The following L3MBTL4 variants were observed in gnomAD, a reference collection of about 807,000 sequenced individuals.
L3MBTL4 encodes the protein lethal(3)malignant brain tumor-like protein 4.
In L3MBTL4, 70 loss-of-function variants were observed where a neutral mutation model predicts 84.5. That is an observed-to-expected ratio of 0.83 (90% CI 0.68 to 1.01). The LOEUF (loss-of-function observed/expected upper bound fraction) is 1.01, where lower values mean the gene tolerates loss of function less well. Ranked by LOEUF, L3MBTL4 falls within the 50% of genes least tolerant of loss-of-function variation. L3MBTL4 has a pLI of 0.00. For synonymous variants in L3MBTL4, 274 were observed against 259.8 expected, an observed-to-expected ratio of 1.05 and a Z score of -0.52; for missense variants, 715 against 754.8, an observed-to-expected ratio of 0.95 and a Z score of 0.62.
intron 1 of L3MBTL4, among the ~76,000 whole-genome samples, chr18:6,357,716 T>A (rs1050693736): frequency 6.6e-6 from 1 of 152,180 alleles, no homozygotes; most frequent in Non-Finnish European, 1.5e-5. Context: ...TCAAACCATA[T>A]GCATATACGA....
At chr18:6,294,994 C>T (rs1019091570) in intron 4 of L3MBTL4, among the ~76,000 whole-genome samples, 1 of 152,082 alleles carries the variant, frequency 6.6e-6, no homozygotes, top group African/African-American at 2.4e-5. Context: ...CTTTAAGAGG[C>T]CAGGCACGGT....
At chr18:6,399,846 A>G (rs1419659121) in intron 1 of L3MBTL4, 6 of 152,210 alleles carry the variant, frequency 3.9e-5, no homozygotes, top group African/African-American at 1.4e-4. Context: ...TGAGTTTTTG[A>G]TTACCTGAAA....
intron 15 of L3MBTL4, among the ~76,000 whole-genome samples, chr18:6,086,517 A>T (rs984898743): frequency 6.6e-6 from 1 of 152,206 alleles, no homozygotes. Context: ...GACTCCAGTG[A>T]GGTGCCTAAA....
At chr18:6,376,341 A>G (rs532433644) in intron 1 of L3MBTL4, among the ~76,000 whole-genome samples, 7 of 152,352 alleles carry the variant, frequency 4.6e-5, no homozygotes, top group African/African-American at 1.7e-4. Flanking sequence ...TCGCTGTCAC[A>G]TCAGTCTGTT....
chr18:6,252,747 A>G (rs765253281), intron 5 of L3MBTL4, among the ~76,000 whole-genome samples: 1 of 152,226 alleles, frequency 6.6e-6, no homozygotes, highest in Non-Finnish European at 1.5e-5. Context: ...CCAGCAAAAG[A>G]TGCAAAAAAT....
intron 5 of L3MBTL4, among the ~76,000 whole-genome samples, chr18:6,249,641 T>A (rs1312404654): frequency 6.6e-6 from 1 of 152,224 alleles, no homozygotes; most frequent in African/African-American, 2.4e-5. Context: ...CTGCCTTTCA[T>A]CAGTCTCTCT....
chr18:6,334,374 C>T (rs2052214861), intron 1 of L3MBTL4, among the ~76,000 whole-genome samples: 2 of 152,160 alleles, frequency 1.3e-5, no homozygotes, highest in African/African-American at 4.8e-5. Context: ...AAGGGTGATA[C>T]TCTACAGGAA....
intron 16 of L3MBTL4, among the ~76,000 whole-genome samples, chr18:5,984,822 C>T (rs1337336387): frequency 6.6e-6 from 1 of 151,938 alleles, no homozygotes; most frequent in Non-Finnish European, 1.5e-5. Context: ...TAATGATCTA[C>T]GTGTCTTTAG....
chr18:6,381,134 T>C (rs983966818), intron 1 of L3MBTL4, among the ~76,000 whole-genome samples: 1 of 152,232 alleles, frequency 6.6e-6, no homozygotes, highest in African/African-American at 2.4e-5. Flanking sequence ...AGATTAGGAT[T>C]GCAACTCCTG....
rs76601507 is a variant in L3MBTL4, at chr18:6,170,345, G to T, written c.1096+1483C>A. ...CAAAATAATGCAATAGCATTGAGAA[G>T]ATGCACTGGGGGTCAAAGCATTGGG... On this transcript the variant is annotated intron_variant, in intron 13 of 18. Transcript: ENST00000317931. Among the ~76,000 whole-genome samples the T allele has an allele frequency of 3.3e-3, 509 of 152,290 alleles. 1 individual carries two copies. Among genetic ancestry groups the T allele is most frequent in the Non-Finnish European group, 5.4e-3 (364 of 68,028 alleles).
intron 13 of L3MBTL4, among the ~76,000 whole-genome samples, chr18:6,159,625 G>A (rs1398369688): frequency 9.9e-5 from 15 of 152,194 alleles, no homozygotes; most frequent in Admixed American, 7.9e-4. Context: ...AATCTGACGC[G>A]ATGGTCCCTG....
intron 16 of L3MBTL4, among the ~76,000 whole-genome samples, chr18:6,066,355 C>T (rs2057398994): frequency 6.6e-6 from 1 of 152,074 alleles, no homozygotes; most frequent in South Asian, 2.1e-4. Context: ...GTTCTGTAAA[C>T]ACCTGTTAAG....
intron 16 of L3MBTL4, among the ~76,000 whole-genome samples, chr18:6,050,850 A>T (rs2056814699): frequency 6.6e-6 from 1 of 152,178 alleles, no homozygotes; most frequent in Non-Finnish European, 1.5e-5. Context: ...TTGTTGTAGA[A>T]TGTGTATTGA....
intron 1 of L3MBTL4, among the ~76,000 whole-genome samples, chr18:6,391,515 T>A (rs2055049368): frequency 6.6e-6 from 1 of 151,924 alleles, no homozygotes; most frequent in African/African-American, 2.4e-5. Context: ...ATAAAGGGGA[T>A]CCAGATTGGA....
At chr18:6,094,158 T>C (rs187997744) in intron 14 of L3MBTL4, among the ~76,000 whole-genome samples, 2 of 152,148 alleles carry the variant, frequency 1.3e-5, no homozygotes, top group Admixed American at 6.5e-5. Context: ...CAGAACCCAA[T>C]AGCAGGCTAT....
intron 13 of L3MBTL4, among the ~76,000 whole-genome samples, chr18:6,140,349 T>C (rs1174406288): frequency 1.3e-5 from 2 of 152,260 alleles, no homozygotes; most frequent in African/African-American, 4.8e-5. Context: ...CAATCATGTC[T>C]GGCTGTGGCG....
At chr18:6,140,787 T>G (rs1279833415) in intron 13 of L3MBTL4, among the ~76,000 whole-genome samples, 3 of 152,032 alleles carry the variant, frequency 2.0e-5, no homozygotes, top group Non-Finnish European at 4.4e-5. Flanking sequence ...AACAAAAGCT[T>G]ACAACTCTAC....
chr18:6,358,040 G>T (rs533101602), intron 1 of L3MBTL4, among the ~76,000 whole-genome samples: 3 of 152,166 alleles, frequency 2.0e-5, no homozygotes, highest in Admixed American at 1.3e-4. Flanking sequence ...TGTCTCATCC[G>T]CAGCCTGGCC....
At chr18:6,237,346 G>A (rs1034720751) in intron 10 of L3MBTL4, among the ~76,000 whole-genome samples, 1 of 146,758 alleles carries the variant, frequency 6.8e-6, no homozygotes, top group African/African-American at 2.5e-5. Flanking sequence ...AATTATGTAA[G>A]TAGAAATAGC....
Sources: gnomAD v4.1 joint callset for allele counts (sites outside exome capture counted in the v4.1 genomes callset) on GRCh38, gnomAD v4.1.1 for gene constraint, MANE v1.5 for transcripts, NCBI Gene and HGNC (gene_info 2026-07-23, HGNC 2026-07-21) for gene names.